Variants in DUSP22 observed in about 807,000 individuals in gnomAD.
DUSP22 encodes the protein dual specificity protein phosphatase 22.
Under a neutral mutation model 24.5 loss-of-function variants are expected in DUSP22, and 24 were observed. The ratio of observed to expected loss-of-function variants is 0.98; its 90% CI spans 0.71 to 1.38. DUSP22 has a LOEUF of 1.38. Ranked by LOEUF, DUSP22 falls within the 40% of genes most tolerant of loss-of-function variation. The pLI, the probability that DUSP22 is intolerant of heterozygous loss-of-function variation, is 0.00. For missense variants in DUSP22, 330 were observed against 269.2 expected (o/e 1.23, Z -1.58); for synonymous variants, 160 against 106.4 (o/e 1.50, Z -3.10).
Position 311,921 on chromosome 6 carries a change from C to T in DUSP22, c.97C>T (p.His33Tyr), listed in dbSNP as rs1334150189. The change falls in exon 3 of 7, where the codon CAT (histidine) becomes TAT (tyrosine). Residue 33 changes from histidine to tyrosine, a missense_variant. His to Tyr is a moderately conservative substitution (Grantham distance 83). Transcript: ENST00000419235. ...ACAATTGAGCAAGAACAAGGTGACACATATTCTGTCTGTCCACGATAGTGC... is the reference window on the plus strand; with the variant it reads ...ACAATTGAGCAAGAACAAGGTGACATATATTCTGTCTGTCCACGATAGTGC... Reference protein sequence around the residue: ...AEQLSKNKVTHILSVHDSARP... With the variant: ...AEQLSKNKVTYILSVHDSARP... 6.2e-7 allele frequency: 1 copy of T among 1,612,798 alleles called. No individual in the cohort carries two copies. The highest frequency in any genetic ancestry group is 2.2e-5 in the East Asian group (1 of 44,756).
chr6:346,924 CAG>C (rs1759910026), intron 5 of DUSP22, among the ~76,000 whole-genome samples: 1 of 152,306 alleles, frequency 6.6e-6, no homozygotes, highest in East Asian at 1.9e-4. Flanking sequence ...ATAGGGACGA[CAG>C]GGAGGACGCT....
At position 311,974 on chromosome 6, in the gene DUSP22, C is replaced by T. The variant is rs1456742999; in HGVS notation, c.138+12C>T. The T allele has an allele frequency of 1.2e-6, 2 of 1,607,832 alleles. No homozygotes were observed. Among genetic ancestry groups the T allele is most frequent in the Non-Finnish European group, 1.7e-6 (2 of 1,176,880 alleles). On this transcript the variant is annotated intron_variant, in intron 3 of 6. Coordinates refer to ENST00000419235, the MANE Select transcript of DUSP22 (RefSeq NM_001286555.3). ...GGCCTATGTTGGAGGTAAGAGAGCACCGTGGGGCGTGTGTGGGTGTCCTCA... is the reference window on the plus strand; with the variant it reads ...GGCCTATGTTGGAGGTAAGAGAGCATCGTGGGGCGTGTGTGGGTGTCCTCA...
At chr6:345,531 G>C (rs1358990652) in intron 4 of DUSP22, among the ~76,000 whole-genome samples, 1 of 152,300 alleles carries the variant, frequency 6.6e-6, no homozygotes, top group Non-Finnish European at 1.5e-5. Context: ...TCCATTACCT[G>C]GTGGATTATT....
At chr6:317,207 C>A (rs1427870161) in intron 3 of DUSP22, among the ~76,000 whole-genome samples, 2 of 152,310 alleles carry the variant, frequency 1.3e-5, no homozygotes, top group African/African-American at 4.8e-5. Flanking sequence ...AGGTGAGACG[C>A]CCAGTCTGCT....
chr6:302,946 AG>A (rs1287828438), intron 1 of DUSP22, among the ~76,000 whole-genome samples: 1 of 152,302 alleles, frequency 6.6e-6, no homozygotes, highest in Non-Finnish European at 1.5e-5. Flanking sequence ...GTGGGGTCTT[AG>A]GGGATACGCT....
At chr6:315,446 G>A (rs963222952) in intron 3 of DUSP22, among the ~76,000 whole-genome samples, 12 of 152,306 alleles carry the variant, frequency 7.9e-5, no homozygotes, top group South Asian at 2.1e-4. Flanking sequence ...ATGGGAAGCC[G>A]GGACTCCTCT....
intron 3 of DUSP22, among the ~76,000 whole-genome samples, chr6:312,166 A>G (rs916938679): frequency 5.4e-4 from 82 of 152,370 alleles, no homozygotes; most frequent in Non-Finnish European, 1.5e-5. Flanking sequence ...TTCTGATCAC[A>G]CTCCTGCTGC....
At chr6:304,342 G>A (rs867616547) in intron 1 of DUSP22, among the ~76,000 whole-genome samples, 11 of 152,298 alleles carry the variant, frequency 7.2e-5, no homozygotes, top group African/African-American at 2.4e-4. Flanking sequence ...GTGGGCAGGC[G>A]GGGCAGGGGA....
intron 3 of DUSP22, among the ~76,000 whole-genome samples, chr6:323,376 G>A (rs1375928563): frequency 6.6e-6 from 1 of 152,298 alleles, no homozygotes; most frequent in Non-Finnish European, 1.5e-5. Context: ...CTGAGCAGGG[G>A]CATCGCCAGC....
At chr6:322,537 T>G (rs1367598885) in intron 3 of DUSP22, among the ~76,000 whole-genome samples, 1 of 152,308 alleles carries the variant, frequency 6.6e-6, no homozygotes, top group African/African-American at 2.4e-5. Flanking sequence ...TTTTAGGTGC[T>G]GTGGACACTG....
At chr6:329,232 T>C (rs1441798886) in intron 3 of DUSP22, among the ~76,000 whole-genome samples, 3 of 152,308 alleles carry the variant, frequency 2.0e-5, no homozygotes, top group African/African-American at 7.2e-5. Flanking sequence ...ACAGTTTGCT[T>C]GCTGTCAGGT....
intron 1 of DUSP22, among the ~76,000 whole-genome samples, chr6:301,004 A>C (rs375014762): frequency 3.9e-5 from 6 of 152,306 alleles, no homozygotes; most frequent in Admixed American, 1.3e-4. Flanking sequence ...TCTGTTGCCA[A>C]AGAGGACACT....
chr6:294,274 T>A (rs1757224049), intron 1 of DUSP22, among the ~76,000 whole-genome samples: 1 of 152,292 alleles, frequency 6.6e-6, no homozygotes, highest in South Asian at 2.1e-4. Flanking sequence ...AATACATGTA[T>A]AGAGAGATTT....
chr6:293,133 C>T (rs574687618), intron 1 of DUSP22, among the ~76,000 whole-genome samples: 114 of 152,392 alleles, frequency 7.5e-4, no homozygotes, highest in African/African-American at 2.3e-3. Flanking sequence ...TATGTGACTT[C>T]TGCAACAAGG....
At chr6:307,321 C>G (rs1465754124) in intron 2 of DUSP22, among the ~76,000 whole-genome samples, 2 of 152,284 alleles carry the variant, frequency 1.3e-5, no homozygotes, top group East Asian at 3.8e-4. Flanking sequence ...TCCCTCCCCA[C>G]TTCTCTCCCT....
intron 2 of DUSP22, among the ~76,000 whole-genome samples, chr6:308,125 AG>A (rs1757903710): frequency 6.6e-6 from 1 of 152,302 alleles, no homozygotes; most frequent in African/African-American, 2.4e-5. Flanking sequence ...TTCTTCTTAA[AG>A]CGCATGTTCT....
In DUSP22 at chr6:341,327, C is replaced by T. The variant is rs568973703; in HGVS notation, c.189-4527C>T. Among the ~76,000 whole-genome samples the T allele has an allele frequency of 1.8e-4, 27 of 152,402 alleles. No individual in the cohort carries two copies. The South Asian group carries it at 2.1e-3, about 12-fold the overall frequency. ...AACTTGTGTTCATCGAAACAGCTTG[C>T]GGTAGGATAGTGCTTCAGACTCGCA... is the stretch of plus-strand genomic sequence containing the variant. On this transcript the variant is annotated intron_variant, in intron 4 of 6. Transcript: ENST00000419235.
chr6:339,947 C>T (rs1759527937), intron 4 of DUSP22, among the ~76,000 whole-genome samples: 1 of 152,306 alleles, frequency 6.6e-6, no homozygotes, highest in African/African-American at 2.4e-5. Context: ...TCTGCCAGCC[C>T]ATAGTGATGT....
chr6:333,591 A>G (rs1759231808), intron 3 of DUSP22, among the ~76,000 whole-genome samples: 1 of 152,302 alleles, frequency 6.6e-6, no homozygotes, highest in African/African-American at 2.4e-5. Context: ...TTTCAGCAGG[A>G]AACAGCTTTT....
Sources: allele counts gnomAD v4.1 joint callset (sites outside exome capture counted in the v4.1 genomes callset), GRCh38; gene constraint gnomAD v4.1.1; transcripts MANE v1.5; gene names NCBI Gene and HGNC (gene_info 2026-07-23, HGNC 2026-07-21).